Variants in TGIF1 observed in about 807,000 individuals in gnomAD.
TGIF1 encodes the protein homeobox protein TGIF1.
TGIF1 carries 4 observed loss-of-function variants against 19.3 expected under a neutral mutation model. The observed-to-expected ratio is 0.21, with a 90% CI of 0.10 to 0.47. TGIF1 has a LOEUF of 0.47. Among genes scored for constraint, TGIF1 ranks in the 20% least tolerant of loss-of-function variants. TGIF1 has a pLI of 0.98. For synonymous variants in TGIF1, 122 were observed against 129.3 expected, an observed-to-expected ratio of 0.94 and a Z score of 0.38; for missense variants, 275 against 341.4, an observed-to-expected ratio of 0.81 and a Z score of 1.53.
chr18:3,421,463 A>G (rs1441713944), intron 2 of TGIF1, among the ~76,000 whole-genome samples: 1 of 150,726 alleles, frequency 6.6e-6, no homozygotes, highest in East Asian at 1.9e-4. Flanking sequence ...CCCAAGCTGG[A>G]GTGCAATGGC....
At position 3,451,796 on chromosome 18, in the gene TGIF1, C is replaced by T; in HGVS notation, c.16+1291C>T. 11 of 1,295,270 alleles carry T rather than the reference C, an allele frequency of 8.5e-6. No homozygotes were observed. Among genetic ancestry groups the T allele is most frequent in the Non-Finnish European group, 9.8e-6 (10 of 1,022,180 alleles). 80.2% of individuals were successfully genotyped at this position (1,295,270 alleles called of 1,614,324 possible). A position where few individuals can be genotyped will look rare whatever the true frequency, so the allele number is the denominator to read the frequency against. The stretch of plus-strand genomic sequence containing the variant: ...TGTTGGTAGAACGCCCTAAGGACCC[C>T]TCCCCGCGGGACGGAGGGAGGACTC... On this transcript the variant is annotated intron_variant, in intron 1 of 2. Coordinates refer to ENST00000343820, the MANE Select transcript of TGIF1 (RefSeq NM_003244.4). The surrounding 1 kb of genome is among the most constrained non-coding windows in gnomAD (Gnocchi z 5.4).
intron 1 of TGIF1, chr18:3,415,136 G>A (rs1001666312): frequency 2.4e-5 from 4 of 168,688 alleles, no homozygotes; most frequent in South Asian, 1.5e-4. Context: ...CAGAGGCAAC[G>A]CAGGCACCAT....
At chr18:3,428,173 G>C (rs910992697) in intron 2 of TGIF1, among the ~76,000 whole-genome samples, 1 of 152,174 alleles carries the variant, frequency 6.6e-6, no homozygotes, top group Admixed American at 6.5e-5. Flanking sequence ...TGGGGGCTGG[G>C]GGGAGGGAGA....
At chr18:3,429,622 C>T (rs2082521078) in intron 2 of TGIF1, among the ~76,000 whole-genome samples, 1 of 152,166 alleles carries the variant, frequency 6.6e-6, no homozygotes, top group Non-Finnish European at 1.5e-5. Flanking sequence ...AATGTGTCAA[C>T]ATTTGGAAGA....
intron 1 of TGIF1, 110 bp downstream of exon 1, chr18:3,450,615 C>T (rs2082880164): frequency 2.6e-6 from 4 of 1,541,328 alleles, no homozygotes; most frequent in African/African-American, 1.4e-5. Context: ...CAGGGGCTCT[C>T]ATGCTGGAGT....
chr18:3,416,637 G>C (rs751111554), intron 1 of TGIF1, among the ~76,000 whole-genome samples: 42 of 151,698 alleles, frequency 2.8e-4, no homozygotes, highest in Non-Finnish European at 5.2e-4. Flanking sequence ...AGAAAAGCGA[G>C]ATTTATAATA....
chr18:3,425,156 T>C (rs548346534), intron 2 of TGIF1, among the ~76,000 whole-genome samples: 6 of 152,236 alleles, frequency 3.9e-5, no homozygotes, highest in Non-Finnish European at 5.9e-5. Context: ...AGTGTCAGAA[T>C]TGAACTGAAT....
rs2049449555 is a variant in TGIF1 at position 3,459,095 on chromosome 18, T to C, written c.*1155T>C. The C allele has an allele frequency of 6.6e-6, 1 of 152,168 alleles. No individual in the cohort carries two copies. 9.4% of individuals were successfully genotyped at this position (152,168 alleles called of 1,614,324 possible). A position where few individuals can be genotyped will look rare whatever the true frequency, so the allele number is the denominator to read the frequency against. On this transcript the variant is annotated 3_prime_UTR_variant, in exon 3 of 3. Transcript: ENST00000343820. ...ATGGCCAGAAGGGAATTGGTGTTGC[T>C]CCTTTCACTTGTATGGTTGAGCAGA...
In TGIF1 at chr18:3,456,679, A is replaced by G. The variant is rs1045285493; in HGVS notation, c.243+99A>G. 3 of 1,042,068 alleles carry G rather than the reference A, an allele frequency of 2.9e-6. No individual in the cohort carries two copies. The African/African-American group carries it at 4.7e-5, about 16-fold the overall frequency. 64.6% of individuals were successfully genotyped at this position (1,042,068 alleles called of 1,614,324 possible). A position where few individuals can be genotyped will look rare whatever the true frequency, so the allele number is the denominator to read the frequency against. ...AAGTCATTAAGCTCCTTGCCACTCA[A>G]AGACAGAAGGAATATCTTTTTATTG... On this transcript the variant is annotated intron_variant, in intron 2 of 2. Coordinates refer to ENST00000343820, the MANE Select transcript of TGIF1 (RefSeq NM_003244.4). The surrounding 1 kb of genome is among the most constrained non-coding windows in gnomAD (Gnocchi z 4.2).
chr18:3,452,388 G>C, intron 1 of TGIF1: 2 of 1,613,188 alleles, frequency 1.2e-6, no homozygotes, highest in African/African-American at 1.3e-5. Context: ...GAAAGGTGAC[G>C]GGCTGAAGGG....
At chr18:3,447,365 G>T (rs1331140681), upstream of TGIF1, among the ~76,000 whole-genome samples, 2 of 144,914 alleles carry the variant, frequency 1.4e-5, no homozygotes, top group African/African-American at 5.1e-5. Flanking sequence ...GCACTGGAAA[G>T]AATCTTAAAA....
intron 2 of TGIF1, among the ~76,000 whole-genome samples, chr18:3,423,975 G>T (rs1441970211): frequency 6.6e-6 from 1 of 152,182 alleles, no homozygotes; most frequent in East Asian, 1.9e-4. Flanking sequence ...GGGCAGCCAC[G>T]ATGGAGTGAC....
At chr18:3,416,333 A>G (rs1267504299) in intron 1 of TGIF1, among the ~76,000 whole-genome samples, 1 of 151,978 alleles carries the variant, frequency 6.6e-6, no homozygotes, top group Non-Finnish European at 1.5e-5. Flanking sequence ...CAGCTGGACA[A>G]CATGATGAAA....
intron 2 of TGIF1, among the ~76,000 whole-genome samples, chr18:3,436,533 A>G (rs539702982): frequency 6.6e-6 from 1 of 152,312 alleles, no homozygotes; most frequent in South Asian, 2.1e-4. Flanking sequence ...GAAGCCCTGA[A>G]TGTAGCCGGG....
At chr18:3,453,018 C>G (rs904506672) in intron 1 of TGIF1, among the ~76,000 whole-genome samples, 3 of 152,182 alleles carry the variant, frequency 2.0e-5, no homozygotes, top group African/African-American at 7.2e-5. Flanking sequence ...TGGGATTGCT[C>G]TTTGGCTGGG....
intron 2 of TGIF1, among the ~76,000 whole-genome samples, chr18:3,438,808 G>C (rs984828765): frequency 1.3e-5 from 2 of 152,144 alleles, no homozygotes; most frequent in Non-Finnish European, 2.9e-5. Context: ...ATAAATATTT[G>C]AGAGTAGGAC....
chr18:3,421,507 G>C (rs1010330819), intron 2 of TGIF1, among the ~76,000 whole-genome samples: 1 of 151,246 alleles, frequency 6.6e-6, no homozygotes, highest in Non-Finnish European at 1.5e-5. Context: ...CCACCTCCCA[G>C]GTTCAGGTGA....
At chr18:3,437,971 C>A (rs1404096052) in intron 2 of TGIF1, among the ~76,000 whole-genome samples, 1 of 152,034 alleles carries the variant, frequency 6.6e-6, no homozygotes, top group Non-Finnish European at 1.5e-5. Flanking sequence ...GTAATCCCAG[C>A]CACTTGGGAG....
At chr18:3,452,428 G>T (rs1001679895) in intron 1 of TGIF1, 8 of 1,612,324 alleles carry the variant, frequency 5.0e-6, no homozygotes, top group Middle Eastern at 1.6e-4. Flanking sequence ...AGGGCTCTTT[G>T]GGGGAGCCGA....
Sources: allele counts gnomAD v4.1 joint callset (sites outside exome capture counted in the v4.1 genomes callset), GRCh38; gene constraint gnomAD v4.1.1; non-coding constraint Gnocchi (gnomAD v3.1); transcripts MANE v1.5; gene names NCBI Gene and HGNC (gene_info 2026-07-23, HGNC 2026-07-21).